Variants in AHCTF1 observed in about 807,000 individuals in gnomAD.
AHCTF1 encodes protein ELYS.
AHCTF1 carries 24 observed loss-of-function variants against 248.4 expected under a neutral mutation model. That is an observed-to-expected ratio of 0.10 (90% CI 0.07 to 0.14). The LOEUF (loss-of-function observed/expected upper bound fraction) is 0.14, where lower values mean the gene tolerates loss of function less well. AHCTF1 is among the 10% of genes least tolerant of loss of function. The pLI, the probability that AHCTF1 is intolerant of heterozygous loss-of-function variation, is 1.00. For synonymous variants in AHCTF1, 786 were observed against 929.8 expected, an observed-to-expected ratio of 0.85 and a Z score of 2.81; for missense variants, 2,206 against 2,636.2, an observed-to-expected ratio of 0.84 and a Z score of 3.57.
rs751325576 is a variant in AHCTF1, at chr1:246,891,869, G to C, written c.1855C>G (p.Gln619Glu). 5 of 1,598,208 alleles carry C rather than the reference G, an allele frequency of 3.1e-6. No individual in the cohort carries two copies. The highest frequency in any genetic ancestry group is 2.6e-6 in the Non-Finnish European group (3 of 1,175,166). Residue 619 changes from glutamine (Q) to glutamate (E), a missense_variant, in exon 15 of 36, where the codon CAG (glutamine) becomes GAG (glutamate). This residue lies in a region of AHCTF1 where 650 missense variants were observed against 870.8 expected (regional missense o/e 0.75). Coordinates refer to ENST00000648844, the MANE Select transcript of AHCTF1 (RefSeq NM_001323342.2). ...SCHFMDPQTI[Q>E]SIQQCYLLLS... is the part of the protein sequence containing the mutation. ...AGCAAATAGCATTGCTGGATAGACT[G>C]TATAGTTTGTGGATCCATGAAATGA... is the stretch of plus-strand genomic sequence containing the variant.
Position 246,843,828 on chromosome 1 carries a change from G to GT in AHCTF1, c.6491dup (p.Asn2164LysfsTer5). The GT allele has an allele frequency of 4.0e-6, 6 of 1,485,592 alleles. No individual in the cohort carries two copies. The highest frequency in any genetic ancestry group is 2.2e-5 in the Admixed American group (1 of 45,410). 92.0% of individuals were successfully genotyped at this position (1,485,592 alleles called of 1,614,324 possible). ...CTTCAAGCTTGTTCTTATTGGATGT[G>GT]TTTTTTTGTCTGCTCCTTAAAGCAG... On this transcript the variant is annotated frameshift_variant, in exon 34 of 36. Transcript: ENST00000648844. LOFTEE classifies it high-confidence loss of function.
chr1:246,852,956 AACCC>A, intron 32 of AHCTF1, 131 bp downstream of exon 32: 1 of 641,718 alleles, frequency 1.6e-6, no homozygotes. Context: ...TTATTTTTTG[AACCC>A]ATATTTTTAT....
intron 21 of AHCTF1, 108 bp downstream of exon 21, chr1:246,885,385 G>T: frequency 1.1e-6 from 1 of 899,246 alleles, no homozygotes; most frequent in Non-Finnish European, 1.6e-6. Flanking sequence ...ACAAAGGACT[G>T]ACTTTACTGA....
intron 19 of AHCTF1, 119 bp downstream of exon 19, chr1:246,888,055 CTCT>C (rs914788635): frequency 3.8e-5 from 39 of 1,027,008 alleles, no homozygotes; most frequent in South Asian, 3.8e-4. Context: ...GGGTTAACAC[CTCT>C]TCTTAAGAAA....
chr1:246,845,284 TTC>T (rs1660168477), intron 33 of AHCTF1, among the ~76,000 whole-genome samples: 1 of 150,370 alleles, frequency 6.7e-6, no homozygotes, highest in Admixed American at 6.6e-5. Flanking sequence ...TAAAAATGTT[TTC>T]TGTGGGTACA....
intron 29 of AHCTF1, among the ~76,000 whole-genome samples, chr1:246,859,694 G>C (rs1661383800): frequency 6.6e-6 from 1 of 152,096 alleles, no homozygotes; most frequent in South Asian, 2.1e-4. Context: ...TCCCCTCTCA[G>C]TGTCCTGAGT....
At chr1:246,869,112 G>T (rs1282851687) in intron 24 of AHCTF1, among the ~76,000 whole-genome samples, 1 of 139,906 alleles carries the variant, frequency 7.1e-6, no homozygotes, top group Non-Finnish European at 1.5e-5. Context: ...CCAAAGTGCT[G>T]GATTACAGGC....
At chr1:246,844,856 A>T (rs1051133797) in intron 33 of AHCTF1, among the ~76,000 whole-genome samples, 5 of 151,870 alleles carry the variant, frequency 3.3e-5, no homozygotes, top group East Asian at 1.9e-4. Flanking sequence ...GCAATTATCA[A>T]TATAATTACA....
At chr1:246,908,328 A>T (rs941228274) in intron 4 of AHCTF1, among the ~76,000 whole-genome samples, 3 of 151,180 alleles carry the variant, frequency 2.0e-5, no homozygotes, top group African/African-American at 7.3e-5. Flanking sequence ...GGATACAAAA[A>T]AAAAAAAAAA....
chr1:246,862,000 A>G lies in AHCTF1; in HGVS notation c.3694T>C (p.Ser1232Pro), dbSNP rs1558223542. 6.2e-7 allele frequency: 1 copy of G among 1,612,878 alleles called. No individual in the cohort carries two copies. The highest frequency in any genetic ancestry group is 8.5e-7 in the Non-Finnish European group (1 of 1,179,620). The change falls in exon 28 of 36, where the codon TCA (serine) becomes CCA (proline). Residue 1232 changes from serine (S) to proline (P), a missense_variant. This residue lies in a region of AHCTF1 where 955 missense variants were observed against 1,055.6 expected (regional missense o/e 0.90). Transcript: ENST00000648844. ...GGGTGGACATCTTCTTCCACAAATG[A>G]AATTCTAGTTTCTTTAAGTCGTTGA... ...SPQRLKETRI[S>P]FVEEDVHPKW...
chr1:246,920,419 A>C (rs1666457534), intron 1 of AHCTF1, among the ~76,000 whole-genome samples: 1 of 152,288 alleles, frequency 6.6e-6, no homozygotes, highest in Admixed American at 6.5e-5. Context: ...ATAAAAATTC[A>C]ATGGAGCAAT....
chr1:246,890,066 T>A lies in AHCTF1; in HGVS notation c.2051-7A>T. On this transcript the variant is annotated splice_region_variant and splice_polypyrimidine_tract_variant and intron_variant, in intron 16 of 35. Coordinates refer to ENST00000648844, the MANE Select transcript of AHCTF1 (RefSeq NM_001323342.2). ...GACAACTGCACAGAATCATCTAGAT[T>A]TTTAAGAGTTGGAAAAAAAGCTGGT... 6.3e-7 allele frequency: 1 copy of A among 1,598,032 alleles called. No individual in the cohort carries two copies. The highest frequency in any genetic ancestry group is 1.1e-5 in the South Asian group (1 of 88,750).
intron 26 of AHCTF1, among the ~76,000 whole-genome samples, chr1:246,866,925 AT>A (rs1662020715): frequency 6.6e-6 from 1 of 152,192 alleles, no homozygotes; most frequent in African/African-American, 2.4e-5. Flanking sequence ...TTAATCTGTA[AT>A]TAAGTATAAA....
intron 21 of AHCTF1, among the ~76,000 whole-genome samples, chr1:246,882,076 C>G (rs1274881520): frequency 6.6e-6 from 1 of 151,040 alleles, no homozygotes; most frequent in Non-Finnish European, 1.5e-5. Context: ...CTGCTCACTG[C>G]AAGCTCCGCC....
chr1:246,843,739 G>GTT, intron 34 of AHCTF1, 56 bp downstream of exon 34: 1 of 1,033,588 alleles, frequency 9.7e-7, no homozygotes, highest in Non-Finnish European at 1.2e-6. Context: ...TAAAACATTT[G>GTT]TAAAAAAAAA....
chr1:246,922,979 T>C (rs1413282466), intron 1 of AHCTF1, among the ~76,000 whole-genome samples: 12 of 81,790 alleles, frequency 1.5e-4, no homozygotes, highest in Middle Eastern at 0.014. Context: ...CGAGACTCTG[T>C]CTCAAAAAAA....
intron 24 of AHCTF1, among the ~76,000 whole-genome samples, chr1:246,875,366 G>A (rs898228694): frequency 1.3e-5 from 2 of 152,184 alleles, no homozygotes; most frequent in Admixed American, 6.5e-5. Context: ...TTACTTAGAA[G>A]CCAAATAATA....
At chr1:246,851,974 G>C (rs1341225060) in intron 32 of AHCTF1, 1 of 153,164 alleles carries the variant, frequency 6.5e-6, no homozygotes, top group African/African-American at 2.4e-5. Context: ...AAATTCCTAA[G>C]GCTTTCAAGT....
At chr1:246,917,669 T>C (rs1666240460) in intron 2 of AHCTF1, among the ~76,000 whole-genome samples, 3 of 152,192 alleles carry the variant, frequency 2.0e-5, no homozygotes, top group Admixed American at 2.0e-4. Flanking sequence ...CTGATACATA[T>C]GTTTTGCTCT....
Sources: gnomAD v4.1 joint callset for allele counts (sites outside exome capture counted in the v4.1 genomes callset) on GRCh38, gnomAD v4.1.1 for gene constraint, gnomAD v4.1.1 regional missense constraint, MANE v1.5 for transcripts, NCBI Gene and HGNC (gene_info 2026-07-23, HGNC 2026-07-21) for gene names.